The following GRIN2B variants were observed in gnomAD, a reference collection of about 807,000 sequenced individuals.
The protein encoded by GRIN2B is glutamate ionotropic receptor NMDA type subunit 2B, also known as glutamate receptor ionotropic, NMDA 2B.
GRIN2B carries 5 observed loss-of-function variants against 114.5 expected under a neutral mutation model. That is an observed-to-expected ratio of 0.04 (90% CI 0.02 to 0.09). The LOEUF (loss-of-function observed/expected upper bound fraction) is 0.09, where lower values mean the gene tolerates loss of function less well. GRIN2B is among the 10% of genes least tolerant of loss of function. The probability of loss-of-function intolerance (pLI) is 1.00; values close to 1 mark genes in which losing one functional copy is unlikely to be tolerated. For synonymous variants in GRIN2B, 787 were observed against 745.1 expected (o/e 1.06, Z -0.92); for missense variants, 1,108 against 1,943.5 (o/e 0.57, Z 8.08).
At chr12:13,933,764 G>T (rs1867080206) in intron 2 of GRIN2B, among the ~76,000 whole-genome samples, 1 of 152,214 alleles carries the variant, frequency 6.6e-6, no homozygotes, top group Admixed American at 6.5e-5. Flanking sequence ...TGGCCAAGTT[G>T]CCAGACACTA....
intron 3 of GRIN2B, among the ~76,000 whole-genome samples, chr12:13,789,307 A>C (rs1864276768): frequency 6.6e-6 from 1 of 152,244 alleles, no homozygotes; most frequent in South Asian, 2.1e-4. Context: ...CAATAACTGC[A>C]AAAGCATGTT....
chr12:13,857,403 T>TCA (rs1486467459), intron 3 of GRIN2B, among the ~76,000 whole-genome samples: 237 of 149,008 alleles, frequency 1.6e-3, no homozygotes, highest in African/African-American at 6.0e-3. Context: ...ACACACACTC[T>TCA]CACACACACC....
intron 4 of GRIN2B, among the ~76,000 whole-genome samples, chr12:13,725,652 T>A (rs577113568): frequency 6.6e-6 from 1 of 152,266 alleles, no homozygotes; most frequent in East Asian, 1.9e-4. Flanking sequence ...TTATACCAAT[T>A]TATGGAAAAG....
chr12:13,677,464 C>T (rs1338612025), intron 4 of GRIN2B, among the ~76,000 whole-genome samples: 1 of 152,126 alleles, frequency 6.6e-6, no homozygotes, highest in African/African-American at 2.4e-5. Flanking sequence ...GATGTTTAAG[C>T]CTGTCATTCC....
intron 2 of GRIN2B, among the ~76,000 whole-genome samples, chr12:13,907,755 G>A (rs1270638871): frequency 6.8e-6 from 1 of 147,644 alleles, no homozygotes; most frequent in Non-Finnish European, 1.5e-5. Context: ...TGAGATGAGT[G>A]AAGTTTGCTG....
chr12:13,979,311 G>A (rs1050913567), intron 2 of GRIN2B, among the ~76,000 whole-genome samples: 8 of 152,028 alleles, frequency 5.3e-5, no homozygotes, highest in Non-Finnish European at 1.0e-4. Flanking sequence ...AGACCAGCCC[G>A]ATCCCCACCT....
In GRIN2B at chr12:13,540,100, C is replaced by T. The variant is rs533016416; in HGVS notation, c.*22683G>A. 2.0e-5 allele frequency: 3 copies of T among 152,280 alleles called. No individual in the cohort carries two copies. Among genetic ancestry groups the T allele is most frequent in the South Asian group, 4.1e-4 (2 of 4,824 alleles). 9.4% of individuals were successfully genotyped at this position (152,280 alleles called of 1,614,324 possible). On this transcript the variant is annotated 3_prime_UTR_variant, in exon 14 of 14. Transcript: ENST00000609686. ...AAACAGATCCCAACCCAAGTAGATT[C>T]GCCAGTCCAAGACTCCTACCAACAA... is the stretch of plus-strand genomic sequence containing the variant.
rs756076031 is a variant in GRIN2B at position 13,564,006 on chromosome 12, C to A, written c.3232G>T (p.Ala1078Ser). ...TTATATTGCTGCTTACGCCTCTTGG[C>A]GGCATTGCCCTCGATGTTCCCATAG... Reference protein sequence around the residue: ...VTYGNIEGNAAKRRKQQYKDS... With the variant: ...VTYGNIEGNASKRRKQQYKDS... Residue 1078 changes from alanine to serine, a missense_variant, in exon 14 of 14, where the codon GCC becomes TCC. Transcript: ENST00000609686. The surrounding 1 kb of genome is among the most constrained non-coding windows in gnomAD (Gnocchi z 4.8). The A allele has an allele frequency of 1.9e-6, 3 of 1,614,232 alleles. No homozygotes were observed. Among genetic ancestry groups the A allele is most frequent in the South Asian group, 1.1e-5 (1 of 91,090 alleles).
chr12:13,813,401 G>A (rs1864768872), intron 3 of GRIN2B, among the ~76,000 whole-genome samples: 1 of 152,182 alleles, frequency 6.6e-6, no homozygotes, highest in Admixed American at 6.5e-5. Context: ...TGAATATGTT[G>A]TAAATTCCAA....
rs772027875 is a variant in GRIN2B, at chr12:13,563,035, G to C, written c.4203C>G (p.Ser1401Arg). ...TGGGCTGCCTGAAGAAGTAGGATTT[G>C]CTGCCATGGAGCAAGCACTGGTCGT... is the stretch of plus-strand genomic sequence containing the variant. Reference protein sequence around the residue: ...FGDDQCLLHGSKSYFFRQPTV... With the variant: ...FGDDQCLLHGRKSYFFRQPTV... The change falls in exon 14 of 14, where the codon AGC (serine) becomes AGG (arginine). Residue 1401 changes from serine (S) to arginine (R), a missense_variant. By Grantham distance (110) the Ser-to-Arg change is moderately radical. Around this residue, in one of 19 missense-constraint regions of GRIN2B, gnomAD observed 478 missense variants for 506.0 expected, o/e 0.94. Transcript: ENST00000609686. The C allele has an allele frequency of 1.2e-6, 2 of 1,614,016 alleles. No individual in the cohort carries two copies. Among genetic ancestry groups the C allele is most frequent in the Non-Finnish European group, 1.7e-6 (2 of 1,179,884 alleles).
chr12:13,669,089 T>C (rs1437349898), intron 5 of GRIN2B, among the ~76,000 whole-genome samples: 2 of 151,842 alleles, frequency 1.3e-5, no homozygotes, highest in Admixed American at 1.3e-4. Context: ...GGACTGTACA[T>C]TACAGAGAGA....
At chr12:13,955,576 G>T (rs1193185092) in intron 2 of GRIN2B, among the ~76,000 whole-genome samples, 1 of 152,156 alleles carries the variant, frequency 6.6e-6, no homozygotes, top group Non-Finnish European at 1.5e-5. Context: ...GAAGCAAAAT[G>T]TCCTTATTCT....
intron 3 of GRIN2B, among the ~76,000 whole-genome samples, chr12:13,818,848 A>G (rs1258145567): frequency 6.6e-6 from 1 of 152,180 alleles, no homozygotes; most frequent in Non-Finnish European, 1.5e-5. Context: ...ATCATCATAC[A>G]GGGGTCTCTT....
At chr12:13,953,024 C>T (rs1335800520) in intron 2 of GRIN2B, among the ~76,000 whole-genome samples, 4 of 151,782 alleles carry the variant, frequency 2.6e-5, no homozygotes, top group African/African-American at 7.2e-5. Flanking sequence ...TTTGGAGCCT[C>T]AGTTGAGAAG....
Position 13,563,525 on chromosome 12 carries a change from G to A in GRIN2B, c.3713C>T (p.Ala1238Val). The A allele has an allele frequency of 6.2e-7, 1 of 1,614,054 alleles. No individual in the cohort carries two copies. Among genetic ancestry groups the A allele is most frequent in the South Asian group, 1.1e-5 (1 of 91,070 alleles). The stretch of plus-strand genomic sequence containing the variant: ...CTTGCAAGCCTCACACCGGATGCAC[G>A]CCTGCCTGCCCGAGTTCTGACCCGT... Reference protein sequence around the residue: ...TVTGQNSGRQACIRCEACKKA... With the variant: ...TVTGQNSGRQVCIRCEACKKA... The change falls in exon 14 of 14, where the codon GCG (alanine) becomes GTG (valine). Residue 1238 changes from alanine (A) to valine (V), a missense_variant. Coordinates refer to ENST00000609686, the MANE Select transcript of GRIN2B (RefSeq NM_000834.5).
intron 3 of GRIN2B, among the ~76,000 whole-genome samples, chr12:13,813,433 G>C (rs143681213): frequency 1.3e-5 from 2 of 152,134 alleles, no homozygotes; most frequent in Non-Finnish European, 2.9e-5. Flanking sequence ...CTTCTGGGAC[G>C]CTGGGTACCA....
At chr12:13,868,967 G>A (rs950916640) in intron 2 of GRIN2B, among the ~76,000 whole-genome samples, 7 of 152,178 alleles carry the variant, frequency 4.6e-5, no homozygotes, top group Non-Finnish European at 8.8e-5. Context: ...TAAGCAGAGT[G>A]GCTTTGCTCC....
chr12:13,910,520 T>C (rs373945241), intron 2 of GRIN2B, among the ~76,000 whole-genome samples: 16 of 152,312 alleles, frequency 1.1e-4, no homozygotes, highest in African/African-American at 3.6e-4. Context: ...ACGCAAGTCC[T>C]CCTTCCTCTT....
intron 10 of GRIN2B, among the ~76,000 whole-genome samples, chr12:13,593,890 A>T (rs1308528793): frequency 6.6e-6 from 1 of 152,250 alleles, no homozygotes; most frequent in Non-Finnish European, 1.5e-5. Context: ...TATTAAAAGA[A>T]GACATTTATG....
Sources: gnomAD v4.1 joint callset for allele counts (sites outside exome capture counted in the v4.1 genomes callset) on GRCh38, gnomAD v4.1.1 for gene constraint, gnomAD v4.1.1 regional missense constraint, Gnocchi (gnomAD v3.1) non-coding constraint, MANE v1.5 for transcripts, NCBI Gene and HGNC (gene_info 2026-07-23, HGNC 2026-07-21) for gene names.